Variants in GATM observed in about 807,000 individuals in gnomAD.
The protein encoded by GATM is glycine amidinotransferase, also known as glycine amidinotransferase, mitochondrial.
A neutral mutation model predicts 54.2 loss-of-function variants in GATM; 23 were observed. That is an observed-to-expected ratio of 0.42 (90% CI 0.31 to 0.60). The LOEUF is 0.60. Ranked by LOEUF, GATM falls within the 20% of genes least tolerant of loss-of-function variation. The pLI is 0.14. For missense variants in GATM, 401 were observed against 544.9 expected (o/e 0.74, Z 2.63); for synonymous variants, 168 against 183.1 (o/e 0.92, Z 0.67).
chr15:45,372,302 C>T (rs1001767731), intron 2 of GATM, among the ~76,000 whole-genome samples: 3 of 152,262 alleles, frequency 2.0e-5, no homozygotes, highest in African/African-American at 4.8e-5. Context: ...AGTTTGCTGA[C>T]GCCTGGGGTC....
rs756139671 is a variant in GATM at position 45,378,473 on chromosome 15, C to T, written c.-20G>A. 7.0e-7 allele frequency: 1 copy of T among 1,426,246 alleles called. No individual in the cohort carries two copies. The highest frequency in any genetic ancestry group is 1.5e-5 in the South Asian group (1 of 68,720). The allele number at this position is 1,426,246 out of a possible 1,614,324, so 88.3% of individuals were successfully genotyped here. The stretch of plus-strand genomic sequence containing the variant: ...CAGCATCGCCCTGGCCCGGCTGGTC[C>T]ACGCGCGGAATGTTCCTGGCCTCTG... On this transcript the variant is annotated 5_prime_UTR_variant, in exon 1 of 9. Transcript: ENST00000396659.
chr15:45,390,803 G>A (rs1289501181), intron 3 of GATM, among the ~76,000 whole-genome samples: 1 of 151,882 alleles, frequency 6.6e-6, no homozygotes, highest in Admixed American at 6.6e-5. Context: ...CCTTTATTAG[G>A]GCAACTAATA....
chr15:45,385,532 A>G (rs1145082), intron 3 of GATM, among the ~76,000 whole-genome samples: 21,482 of 152,198 alleles, frequency 0.14, 5,011 homozygotes, highest in African/African-American at 0.49. Flanking sequence ...TCATCATAAG[A>G]TGAACATGCA....
chr15:45,399,096 A>G (rs1052890973), intron 2 of GATM, among the ~76,000 whole-genome samples: 3 of 152,206 alleles, frequency 2.0e-5, no homozygotes, highest in Admixed American at 6.5e-5. Context: ...AAATCTCACA[A>G]AAGATTTTGT....
upstream of GATM, among the ~76,000 whole-genome samples, chr15:45,381,633 C>T (rs1889742138): frequency 6.6e-6 from 1 of 152,210 alleles, no homozygotes; most frequent in South Asian, 2.1e-4. Context: ...CTTAAGAATA[C>T]AGATACTCTG....
upstream of GATM, among the ~76,000 whole-genome samples, chr15:45,381,149 T>C (rs1333447554): frequency 2.0e-5 from 3 of 152,200 alleles, no homozygotes; most frequent in African/African-American, 7.2e-5. Context: ...TGGAATAGAC[T>C]GTGAAGTCTT....
intron 2 of GATM, among the ~76,000 whole-genome samples, chr15:45,373,574 A>T (rs890286364): frequency 6.6e-6 from 1 of 152,078 alleles, no homozygotes; most frequent in African/African-American, 2.4e-5. Context: ...ACAAAAAGTC[A>T]CAGAGCTTTA....
In GATM at chr15:45,378,411, C is replaced by A; in HGVS notation, c.43G>T (p.Glu15Ter). 6.6e-7 allele frequency: 1 copy of A among 1,504,778 alleles called. No homozygotes were observed. Among genetic ancestry groups the A allele is most frequent in the Non-Finnish European group, 8.8e-7 (1 of 1,133,556 alleles). The allele number at this position is 1,504,778 out of a possible 1,614,324, so 93.2% of individuals were successfully genotyped here. Residue 15 changes from glutamate to a stop codon, truncating the protein, a stop_gained, in exon 1 of 9, where the codon GAG becomes TAG. Coordinates refer to ENST00000396659, the MANE Select transcript of GATM (RefSeq NM_001482.3). LOFTEE classifies it high-confidence loss of function. ...CGAGATCCGATGTAGTGCACCGCCT[C>A]GGCGCCGCGGCTCCCGCCGCGCAGA... Reference protein sequence around the residue: ...RCLRGGSRGAEAVHYIGSRLG... With the variant: ...RCLRGGSRGA
rs1290837453 is a variant in GATM at position 45,369,200 on chromosome 15, T to TAAATCCTAAA, written c.484+125_484+126insTTTAGGATTT. The TAAATCCTAAA allele has an allele frequency of 4.0e-6, 3 of 742,760 alleles. No homozygotes were observed. In the African/African-American group the frequency reaches 5.3e-5, roughly 13 times the overall value. The allele number at this position is 742,760 out of a possible 1,614,324, so 46.0% of individuals were successfully genotyped here. On this transcript the variant is annotated intron_variant, in intron 3 of 8. Transcript: ENST00000396659. ...GACCAAACCATTCCTAAATAAATCT[T>TAAATCCTAAA]TAAAGTTTTCAAGAACTAGCAAAGC...
chr15:45,366,785 C>T (rs905531890), intron 4 of GATM, among the ~76,000 whole-genome samples: 3 of 152,148 alleles, frequency 2.0e-5, no homozygotes, highest in African/African-American at 4.8e-5. Context: ...AGTCAACTGT[C>T]GTCCCAAAAC....
chr15:45,401,009 C>T (rs763515770), intron 1 of GATM, among the ~76,000 whole-genome samples: 9 of 151,834 alleles, frequency 5.9e-5, no homozygotes, highest in Non-Finnish European at 8.8e-5. Context: ...ATTTAAAAGT[C>T]CCCAAACCAA....
intron 3 of GATM, among the ~76,000 whole-genome samples, chr15:45,396,611 C>T (rs779209855): frequency 6.6e-6 from 1 of 152,102 alleles, no homozygotes; most frequent in Non-Finnish European, 1.5e-5. Context: ...TGGCTCACAC[C>T]TGTAATCCCA....
intron 3 of GATM, among the ~76,000 whole-genome samples, chr15:45,389,156 CT>C (rs1379563159): frequency 1.3e-5 from 2 of 152,210 alleles, no homozygotes; most frequent in African/African-American, 4.8e-5. Context: ...AAGCTTTTTC[CT>C]TTAACACTAA....
upstream of GATM, chr15:45,380,337 G>A (rs1479635821): frequency 1.3e-5 from 2 of 151,738 alleles, no homozygotes; most frequent in Non-Finnish European, 1.5e-5. Context: ...GGTGAAAGGA[G>A]TAAGTCTAGG....
In GATM at chr15:45,376,776, C is replaced by G. The variant is rs1889644446; in HGVS notation, c.113G>C (p.Ser38Thr). The G allele has an allele frequency of 2.5e-6, 4 of 1,614,030 alleles. No homozygotes were observed. The highest frequency in any genetic ancestry group is 1.7e-5 in the Admixed American group (1 of 60,004). The change falls in exon 2 of 9, where the codon AGC (serine) becomes ACC (threonine). Residue 38 changes from serine (S) to threonine (T), a missense_variant. This residue lies in a region of GATM where 70 missense variants were observed against 61.5 expected (regional missense o/e 1.14). Transcript: ENST00000396659. Reference sequence around the variant, plus strand: ...GGAGGAAGCCGTAGCTGCCTGGGTGCTCTGGAAAGTTCGCTGCACCCATCC... The same window carrying G: ...GGAGGAAGCCGTAGCTGCCTGGGTGGTCTGGAAAGTTCGCTGCACCCATCC... ...LTGWVQRTFQ[S>T]TQAATASSRN...
In GATM at chr15:45,368,105, G is replaced by A. The variant is rs1566840454; in HGVS notation, c.640C>T (p.Pro214Ser). The change falls in exon 4 of 9, where the codon CCT (proline) becomes TCT (serine). Residue 214 changes from proline (P) to serine (S), a missense_variant. Around this residue, in one of 3 missense-constraint regions of GATM, gnomAD observed 321 missense variants for 457.5 expected, o/e 0.70. Coordinates refer to ENST00000396659, the MANE Select transcript of GATM (RefSeq NM_001482.3). The surrounding 1 kb of genome is among the most constrained non-coding windows in gnomAD (Gnocchi z 5.1). Reference sequence around the variant, plus strand: ...AGCTCATCAGCCATTGTGGGCTTAGGAGCTGTTGTCCACTTGGCGCCACGG... The same window carrying A: ...AGCTCATCAGCCATTGTGGGCTTAGAAGCTGTTGTCCACTTGGCGCCACGG... ...FHRGAKWTTAPKPTMADELYN... is the reference protein window; with the variant it reads ...FHRGAKWTTASKPTMADELYN... 4 of 1,614,112 alleles carry A rather than the reference G, an allele frequency of 2.5e-6. No individual in the cohort carries two copies. The highest frequency in any genetic ancestry group is 2.5e-6 in the Non-Finnish European group (3 of 1,180,026).
rs367741331 is a variant in GATM at position 45,370,418 on chromosome 15, AC to A, written c.289-898del. ...AAGAAAAAGAAAAAGAAAAAAAAAA[AC>A]ATTATTGATTTTCCCATTCAACAGA... On this transcript the variant is annotated intron_variant, in intron 2 of 8. Coordinates refer to ENST00000396659, the MANE Select transcript of GATM (RefSeq NM_001482.3). Among the ~76,000 whole-genome samples the A allele has an allele frequency of 3.2e-3, 470 of 147,800 alleles. 2 individuals carry two copies. Among genetic ancestry groups the A allele is most frequent in the African/African-American group, 0.01 (414 of 40,220 alleles).
chr15:45,389,298 T>C (rs981640036), intron 3 of GATM, among the ~76,000 whole-genome samples: 1 of 152,252 alleles, frequency 6.6e-6, no homozygotes, highest in Non-Finnish European at 1.5e-5. Context: ...GTCATTATAC[T>C]GAAATTCACA....
At chr15:45,399,139 G>A (rs1186529505) in intron 2 of GATM, among the ~76,000 whole-genome samples, 5 of 152,156 alleles carry the variant, frequency 3.3e-5, no homozygotes, top group African/African-American at 4.8e-5. Context: ...TTTAAAGCTA[G>A]AAATGTTTCT....
Sources: gnomAD v4.1 joint callset for allele counts (sites outside exome capture counted in the v4.1 genomes callset) on GRCh38, gnomAD v4.1.1 for gene constraint, gnomAD v4.1.1 regional missense constraint, Gnocchi (gnomAD v3.1) non-coding constraint, MANE v1.5 for transcripts, NCBI Gene and HGNC (gene_info 2026-07-23, HGNC 2026-07-21) for gene names.